Variants in ANLN observed in about 807,000 individuals in gnomAD.
ANLN encodes anillin.
ANLN carries 59 observed loss-of-function variants against 135.1 expected under a neutral mutation model. The observed-to-expected ratio is 0.44, with a 90% CI of 0.35 to 0.54. The LOEUF (loss-of-function observed/expected upper bound fraction) is 0.54, where lower values mean the gene tolerates loss of function less well. ANLN is among the 20% of genes least tolerant of loss of function. The pLI is 0.00. For missense variants in ANLN, 1,182 were observed against 1,340.0 expected, an observed-to-expected ratio of 0.88 and a Z score of 1.84; for synonymous variants, 406 against 456.4, an observed-to-expected ratio of 0.89 and a Z score of 1.41.
chr7:36,429,456 G>A (rs1166402474), intron 20 of ANLN, among the ~76,000 whole-genome samples: 1 of 151,924 alleles, frequency 6.6e-6, no homozygotes, highest in East Asian at 1.9e-4. Flanking sequence ...CCCAACCTCA[G>A]GCGATCTGCT....
intron 20 of ANLN, chr7:36,428,434 G>A (rs926930451): frequency 2.5e-6 from 2 of 790,640 alleles, no homozygotes; most frequent in South Asian, 1.6e-5. Context: ...ACATATATTT[G>A]TTTTACTAAC....
intron 21 of ANLN, among the ~76,000 whole-genome samples, chr7:36,442,734 C>T (rs1361657977): frequency 6.6e-6 from 1 of 152,012 alleles, no homozygotes; most frequent in Non-Finnish European, 1.5e-5. Context: ...CGGGTTCACG[C>T]CATTCTCCTG....
chr7:36,437,589 A>AT (rs913060253), intron 20 of ANLN, among the ~76,000 whole-genome samples: 119 of 146,636 alleles, frequency 8.1e-4, no homozygotes, highest in South Asian at 2.2e-3. Flanking sequence ...TTATTTTTTC[A>AT]TTTTTTTTTT....
At chr7:36,425,667 A>C (rs373513615) in intron 17 of ANLN, 35 bp from the exon 18 acceptor site, 2 of 1,495,978 alleles carry the variant, frequency 1.3e-6, no homozygotes, top group Admixed American at 1.8e-5. Context: ...AATGTTTAAT[A>C]AGAAATATAT....
Position 36,420,442 on chromosome 7 carries a change from T to C in ANLN, c.2015+128T>C. 4 of 1,329,806 alleles carry C rather than the reference T, an allele frequency of 3.0e-6. No homozygotes were observed. In the South Asian group the frequency reaches 5.7e-5, roughly 19 times the overall value. 82.4% of individuals were successfully genotyped at this position (1,329,806 alleles called of 1,614,324 possible). A position where few individuals can be genotyped will look rare whatever the true frequency, so the allele number is the denominator to read the frequency against. On this transcript the variant is annotated intron_variant, in intron 11 of 23. Transcript: ENST00000265748. Reference sequence around the variant, plus strand: ...GTATAAAAGTTTGGAATAACTTTTGTTAGCCTCTCTTTCACCAAATGAGAG... The same window carrying C: ...GTATAAAAGTTTGGAATAACTTTTGCTAGCCTCTCTTTCACCAAATGAGAG...
At chr7:36,441,675 C>T (rs1788779032) in intron 21 of ANLN, among the ~76,000 whole-genome samples, 1 of 152,202 alleles carries the variant, frequency 6.6e-6, no homozygotes, top group Non-Finnish European at 1.5e-5. Flanking sequence ...TCTGTTTCCT[C>T]AGCTATAGAA....
At chr7:36,403,085 C>G (rs1787027480) in intron 3 of ANLN, among the ~76,000 whole-genome samples, 1 of 152,060 alleles carries the variant, frequency 6.6e-6, no homozygotes. Context: ...CCATTACATT[C>G]CAGCCTGGGC....
chr7:36,452,346 C>T (rs919958797), intron 23 of ANLN, 131 bp from the exon 24 acceptor site: 3 of 1,106,482 alleles, frequency 2.7e-6, no homozygotes, highest in Non-Finnish European at 3.9e-6. Context: ...TGTGGATTAG[C>T]ATCCATAAAA....
intron 20 of ANLN, chr7:36,428,509 T>C (rs1358823491): frequency 3.1e-6 from 1 of 323,316 alleles, no homozygotes; most frequent in Non-Finnish European, 5.6e-6. Flanking sequence ...GAGACTCTTA[T>C]AGATGGGTGT....
chr7:36,418,227 G>A (rs1023721543), intron 9 of ANLN, among the ~76,000 whole-genome samples: 5 of 152,164 alleles, frequency 3.3e-5, no homozygotes, highest in African/African-American at 1.2e-4. Flanking sequence ...GGTTTCAGTG[G>A]AAGCTTCATA....
At chr7:36,427,776 A>C (rs574103301) in intron 20 of ANLN, among the ~76,000 whole-genome samples, 19 of 152,186 alleles carry the variant, frequency 1.2e-4, no homozygotes, top group Non-Finnish European at 2.1e-4. Context: ...TCCTTCTCAT[A>C]CTTCCCTTTC....
chr7:36,432,449 T>C (rs948118456), intron 20 of ANLN, among the ~76,000 whole-genome samples: 15 of 152,324 alleles, frequency 9.8e-5, no homozygotes, highest in Middle Eastern at 3.4e-3. Flanking sequence ...TTTAATCCTA[T>C]ATTAGAGTCT....
intron 12 of ANLN, among the ~76,000 whole-genome samples, chr7:36,421,494 G>A (rs774610922): frequency 3.3e-5 from 5 of 151,448 alleles, no homozygotes; most frequent in East Asian, 1.9e-4. Context: ...CTGGGATTAC[G>A]GGTGTGAGCC....
rs1364396105 is a variant in ANLN, at chr7:36,389,929, C to T, written c.-98C>T. ...GGGAGAGTTCCCCCGCCTCAGACTC[C>T]TGGTTTTTTCCAGGAGACACACTGA... On this transcript the variant is annotated 5_prime_UTR_variant, in exon 1 of 24. Transcript: ENST00000265748. 7 of 1,610,302 alleles carry T rather than the reference C, an allele frequency of 4.3e-6. No homozygotes were observed. The highest frequency in any genetic ancestry group is 2.2e-5 in the East Asian group (1 of 44,798).
intron 22 of ANLN, among the ~76,000 whole-genome samples, chr7:36,447,438 T>TC (rs1789053393): frequency 6.7e-6 from 1 of 149,550 alleles, no homozygotes; most frequent in Non-Finnish European, 1.5e-5. Flanking sequence ...TTTTTTTTTT[T>TC]TTCTGAGACG....
At chr7:36,390,107 T>G in intron 1 of ANLN, 63 bp downstream of exon 1, 9 of 1,610,008 alleles carry the variant, frequency 5.6e-6, no homozygotes, top group Non-Finnish European at 7.6e-6. Flanking sequence ...CCCACCTTCC[T>G]CTGTCAACCT....
chr7:36,420,281 G>T lies in ANLN; in HGVS notation c.1982G>T (p.Ser661Ile), dbSNP rs775014533. 1 of 1,613,982 alleles carries T rather than the reference G, an allele frequency of 6.2e-7. No individual in the cohort carries two copies. The highest frequency in any genetic ancestry group is 1.3e-5 in the African/African-American group (1 of 74,922). ...GTCCCTCGAGCTGAATCTGGTGATA[G>T]CCTTGGTTCTGAAGATCGTGATCTT... ...TRVPRAESGD[S>I]LGSEDRDLLY... The change falls in exon 11 of 24, where the codon AGC becomes ATC. Residue 661 changes from serine to isoleucine, a missense_variant. Physicochemically the swap from Ser to Ile is moderately radical, Grantham distance 142 (BLOSUM62 -2). This residue lies in a region of ANLN where 1,022 missense variants were observed against 1,134.0 expected (regional missense o/e 0.90). Transcript: ENST00000265748.
At chr7:36,439,743 A>G (rs1333857892) in intron 21 of ANLN, among the ~76,000 whole-genome samples, 1 of 152,210 alleles carries the variant, frequency 6.6e-6, no homozygotes, top group Non-Finnish European at 1.5e-5. Context: ...CTCCTACCCA[A>G]AGAAAAGAAG....
chr7:36,426,972 G>A lies in ANLN; in HGVS notation c.2827G>A (p.Gly943Arg). The stretch of plus-strand genomic sequence containing the variant: ...GCGAACCAGCAACTTCGCCCTTGTT[G>A]GATCTTACACATTATCATTGTCTTC... ...AVRTSNFALVGSYTLSLSSVG... is the reference protein window; with the variant it reads ...AVRTSNFALVRSYTLSLSSVG... The change falls in exon 20 of 24, where the codon GGA (glycine) becomes AGA (arginine). Residue 943 changes from glycine to arginine, a missense_variant. Physicochemically the swap from Gly to Arg is moderately radical, Grantham distance 125. Around this residue, in one of 3 missense-constraint regions of ANLN, gnomAD observed 1,022 missense variants for 1,134.0 expected, o/e 0.90. Transcript: ENST00000265748. 1 of 1,613,330 alleles carries A rather than the reference G, an allele frequency of 6.2e-7. No individual in the cohort carries two copies. The highest frequency in any genetic ancestry group is 8.5e-7 in the Non-Finnish European group (1 of 1,179,802).
Sources: gnomAD v4.1 joint callset for allele counts (sites outside exome capture counted in the v4.1 genomes callset) on GRCh38, gnomAD v4.1.1 for gene constraint, gnomAD v4.1.1 regional missense constraint, MANE v1.5 for transcripts, NCBI Gene and HGNC (gene_info 2026-07-23, HGNC 2026-07-21) for gene names.